The following EPHA6 variants were observed in gnomAD, a reference collection of about 807,000 sequenced individuals.
EPHA6 encodes the protein EPH receptor A6, also known as ephrin type-A receptor 6.
EPHA6 carries 50 observed loss-of-function variants against 112.0 expected under a neutral mutation model. That is an observed-to-expected ratio of 0.45 (90% CI 0.36 to 0.56). The LOEUF (loss-of-function observed/expected upper bound fraction) is 0.56, where lower values mean the gene tolerates loss of function less well. Among genes scored for constraint, EPHA6 ranks in the 20% least tolerant of loss-of-function variants. EPHA6 has a pLI of 0.00. For missense variants in EPHA6, 1,280 were observed against 1,417.4 expected (o/e 0.90, Z 1.56); for synonymous variants, 529 against 490.7 (o/e 1.08, Z -1.03).
At chr3:97,405,793 A>G (rs1267750188) in intron 6 of EPHA6, among the ~76,000 whole-genome samples, 1 of 152,138 alleles carries the variant, frequency 6.6e-6, no homozygotes, top group African/African-American at 2.4e-5. Context: ...TTATTTTATA[A>G]GCTAGCAAGA....
At chr3:96,901,113 T>G (rs535852448) in intron 2 of EPHA6, among the ~76,000 whole-genome samples, 2 of 152,184 alleles carry the variant, frequency 1.3e-5, no homozygotes, top group Non-Finnish European at 2.9e-5. Flanking sequence ...ATTTGGTCTT[T>G]GGGGGCAACC....
chr3:97,413,009 T>G (rs746129545), intron 6 of EPHA6, among the ~76,000 whole-genome samples: 39 of 152,008 alleles, frequency 2.6e-4, no homozygotes, highest in Non-Finnish European at 5.6e-4. Context: ...TCTTTGCTTT[T>G]CTTTTTTTTA....
chr3:97,432,743 T>A (rs2089590313), intron 6 of EPHA6, among the ~76,000 whole-genome samples: 1 of 152,144 alleles, frequency 6.6e-6, no homozygotes, highest in South Asian at 2.1e-4. Context: ...AGGACCTTTT[T>A]CCCATGGTGG....
chr3:97,585,922 TCAGTGA>T, intron 11 of EPHA6, among the ~76,000 whole-genome samples: 1 of 152,224 alleles, frequency 6.6e-6, no homozygotes, highest in South Asian at 2.1e-4. Flanking sequence ...ATAAATTAAG[TCAGTGA>T]ATGGATAAAA....
chr3:97,293,521 T>C (rs1041058929), intron 5 of EPHA6, among the ~76,000 whole-genome samples: 1 of 152,188 alleles, frequency 6.6e-6, no homozygotes, highest in Non-Finnish European at 1.5e-5. Flanking sequence ...AAAGAGTCAA[T>C]GAGACCCAAA....
At chr3:97,616,406 G>A (rs562500857) in intron 13 of EPHA6, among the ~76,000 whole-genome samples, 1 of 152,080 alleles carries the variant, frequency 6.6e-6, no homozygotes, top group Non-Finnish European at 1.5e-5. Flanking sequence ...CTCCAGCAAG[G>A]GTTCAGAACT....
intron 5 of EPHA6, among the ~76,000 whole-genome samples, chr3:97,298,700 G>A (rs1246263379): frequency 6.6e-6 from 1 of 151,896 alleles, no homozygotes; most frequent in African/African-American, 2.4e-5. Flanking sequence ...CTTATTTAGT[G>A]TATTGTTTAG....
intron 14 of EPHA6, among the ~76,000 whole-genome samples, chr3:97,679,562 C>T (rs1011566105): frequency 5.3e-5 from 8 of 152,150 alleles, no homozygotes; most frequent in East Asian, 3.9e-4. Flanking sequence ...GAATCATTAA[C>T]GGGAATATAA....
intron 2 of EPHA6, among the ~76,000 whole-genome samples, chr3:96,880,351 C>T (rs190570833): frequency 0.012 from 1,806 of 151,742 alleles, 16 homozygotes; most frequent in Non-Finnish European, 0.019. Flanking sequence ...AAAAGATGTG[C>T]GAGAACATTG....
At chr3:96,941,254 T>G (rs2040924330) in intron 2 of EPHA6, among the ~76,000 whole-genome samples, 1 of 152,180 alleles carries the variant, frequency 6.6e-6, no homozygotes, top group South Asian at 2.1e-4. Context: ...CGTAGATTTG[T>G]TCTTTTCACA....
In EPHA6 at chr3:97,214,038, T is replaced by TGTGAGAGA. The variant is rs1491420279; in HGVS notation, c.1115-12225_1115-12224insTGAGAGAG. Among the ~76,000 whole-genome samples the TGTGAGAGA allele has an allele frequency of 2.3e-3, 181 of 77,836 alleles. 1 individual carries two copies. Among genetic ancestry groups the TGTGAGAGA allele is most frequent in the African/African-American group, 4.8e-3 (138 of 28,658 alleles). The allele number at this position is 77,836 out of a possible 152,430, so 51.1% of individuals were successfully genotyped here. On this transcript the variant is annotated intron_variant, in intron 3 of 17. Coordinates refer to ENST00000389672, the MANE Select transcript of EPHA6 (RefSeq NM_001080448.3). ...GTGTGTGTGTGTGTGTGTGTGTGTG[T>TGTGAGAGA]GAGAGAGAGAGAGAGAGGGAGAGGG... is the stretch of plus-strand genomic sequence containing the variant.
At chr3:96,973,289 C>T (rs923734086) in intron 2 of EPHA6, among the ~76,000 whole-genome samples, 1 of 152,190 alleles carries the variant, frequency 6.6e-6, no homozygotes, top group Non-Finnish European at 1.5e-5. Flanking sequence ...CCCCAAACCA[C>T]TAAGCTATAT....
At chr3:97,670,201 A>G (rs2030664524) in intron 14 of EPHA6, among the ~76,000 whole-genome samples, 1 of 152,214 alleles carries the variant, frequency 6.6e-6, no homozygotes, top group Non-Finnish European at 1.5e-5. Flanking sequence ...GTTACAAGGC[A>G]TGTTTCTAAA....
chr3:97,068,741 C>A (rs948664639), intron 3 of EPHA6, among the ~76,000 whole-genome samples: 1 of 151,926 alleles, frequency 6.6e-6, no homozygotes, highest in East Asian at 1.9e-4. Context: ...TTAGATCATG[C>A]GGGTAGAACA....
intron 3 of EPHA6, among the ~76,000 whole-genome samples, chr3:97,021,318 G>C (rs1006536619): frequency 1.3e-5 from 2 of 152,104 alleles, no homozygotes; most frequent in Non-Finnish European, 2.9e-5. Flanking sequence ...CATGGCTCAG[G>C]ATGACCTCTT....
intron 9 of EPHA6, among the ~76,000 whole-genome samples, chr3:97,482,188 C>A (rs1303685152): frequency 1.3e-5 from 2 of 152,084 alleles, no homozygotes; most frequent in Non-Finnish European, 2.9e-5. Context: ...TGTGTACCAC[C>A]TTAAATAATT....
At chr3:97,064,167 G>A (rs968899966) in intron 3 of EPHA6, among the ~76,000 whole-genome samples, 8 of 152,132 alleles carry the variant, frequency 5.3e-5, no homozygotes, top group African/African-American at 1.9e-4. Context: ...GAAAACTTGT[G>A]TACTGAATTT....
intron 15 of EPHA6, 87 bp from the exon 16 acceptor site, chr3:97,735,838 G>T: frequency 1.1e-5 from 10 of 872,580 alleles, no homozygotes; most frequent in Non-Finnish European, 1.5e-5. Context: ...CCATTATTTT[G>T]GCTTCTTCTG....
At chr3:97,459,756 A>G (rs2090823039) in intron 7 of EPHA6, among the ~76,000 whole-genome samples, 1 of 152,120 alleles carries the variant, frequency 6.6e-6, no homozygotes, top group Non-Finnish European at 1.5e-5. Context: ...ATAACTTCCA[A>G]ATTCCCTAGA....
Sources: gnomAD v4.1 joint callset for allele counts (sites outside exome capture counted in the v4.1 genomes callset) on GRCh38, gnomAD v4.1.1 for gene constraint, MANE v1.5 for transcripts, NCBI Gene and HGNC (gene_info 2026-07-23, HGNC 2026-07-21) for gene names.